Variants in TECTA observed in about 807,000 individuals in gnomAD.
TECTA encodes the protein tectorin alpha.
A neutral mutation model predicts 216.8 loss-of-function variants in TECTA; 128 were observed. That is an observed-to-expected ratio of 0.59 (90% CI 0.51 to 0.68). The LOEUF is 0.68. Among genes scored for constraint, TECTA ranks in the 30% least tolerant of loss-of-function variants. TECTA has a pLI of 0.00. For missense variants in TECTA, 2,551 were observed against 2,786.2 expected (o/e 0.92, Z 1.90); for synonymous variants, 1,089 against 1,117.1 (o/e 0.97, Z 0.50).
intron 14 of TECTA, among the ~76,000 whole-genome samples, chr11:121,158,954 C>A (rs1332817944): frequency 2.6e-5 from 4 of 152,198 alleles, no homozygotes; most frequent in African/African-American, 9.7e-5. Flanking sequence ...GGTGACCCAG[C>A]CTCTCAGCTA....
intron 10 of TECTA, among the ~76,000 whole-genome samples, chr11:121,132,390 G>A (rs1946683627): frequency 6.6e-6 from 1 of 152,200 alleles, no homozygotes; most frequent in African/African-American, 2.4e-5. Context: ...GAGGCACGAT[G>A]TACTCCGGGC....
intron 20 of TECTA, among the ~76,000 whole-genome samples, chr11:121,184,046 C>T (rs989757801): frequency 2.0e-5 from 3 of 152,180 alleles, no homozygotes; most frequent in Non-Finnish European, 2.9e-5. Flanking sequence ...ATCTTCGCCT[C>T]CCAAAGTGCT....
At chr11:121,109,815 C>T in intron 4 of TECTA, 1 of 374,690 alleles carries the variant, frequency 2.7e-6, no homozygotes. Flanking sequence ...GCACTGAGAC[C>T]CATTCCAGGC....
intron 20 of TECTA, among the ~76,000 whole-genome samples, chr11:121,178,557 T>TGG (rs1947193883): frequency 6.6e-6 from 1 of 150,720 alleles, no homozygotes; most frequent in Admixed American, 6.6e-5. Flanking sequence ...TGTGTGTGTG[T>TGG]GTGTGGTGTC....
At position 121,141,301 on chromosome 11, in the gene TECTA, G is replaced by A. The variant is rs1487128123; in HGVS notation, c.3543+3279G>A. Among the ~76,000 whole-genome samples the A allele has an allele frequency of 2.0e-5, 3 of 152,198 alleles. No homozygotes were observed. The East Asian group carries it at 5.8e-4, about 29-fold the overall frequency. ...CATCAGGATGACAGTGTGAAATGAA[G>A]TGCTGGGTAAAACACAGCCCACAGT... is the stretch of plus-strand genomic sequence containing the variant. On this transcript the variant is annotated intron_variant, in intron 11 of 23. Transcript: ENST00000392793.
chr11:121,138,170 G>C (rs1333309449), intron 11 of TECTA, 148 bp downstream of exon 11: 1 of 1,191,472 alleles, frequency 8.4e-7, no homozygotes, highest in Non-Finnish European at 1.2e-6. Flanking sequence ...GAGATTTTCT[G>C]TCACTTCATC....
chr11:121,118,227 A>T, intron 6 of TECTA, 79 bp from the exon 7 acceptor site: 2 of 1,558,232 alleles, frequency 1.3e-6, no homozygotes, highest in Non-Finnish European at 1.8e-6. Context: ...GGTATAATGG[A>T]AGTAAAGCAT....
chr11:121,144,058 T>C (rs1946810819), intron 11 of TECTA, among the ~76,000 whole-genome samples: 1 of 152,090 alleles, frequency 6.6e-6, no homozygotes, highest in South Asian at 2.1e-4. Flanking sequence ...GGGTGGAGCA[T>C]GGAAAGCATC....
At chr11:121,118,197 G>T (rs1946518314) in intron 6 of TECTA, 109 bp from the exon 7 acceptor site, 1 of 1,410,976 alleles carries the variant, frequency 7.1e-7, no homozygotes, top group African/African-American at 1.4e-5. Flanking sequence ...TCCCTAACAG[G>T]GTTCTTACGT....
In TECTA at chr11:121,101,328, A is replaced by G. The variant is rs1345561132; in HGVS notation, c.-116A>G. 6.6e-6 allele frequency: 1 copy of G among 152,200 alleles called. No homozygotes were observed. Among genetic ancestry groups the G allele is most frequent in the African/African-American group, 2.4e-5 (1 of 41,460 alleles). 9.4% of individuals were successfully genotyped at this position (152,200 alleles called of 1,614,324 possible). A position where few individuals can be genotyped will look rare whatever the true frequency, so the allele number is the denominator to read the frequency against. On this transcript the variant is annotated 5_prime_UTR_variant, in exon 1 of 24. Transcript: ENST00000392793. ...GACATTATTTCAGGAATCAGAAATT[A>G]TTGGCAACAAGTTGAGGAGAACTGA...
chr11:121,185,670 TAATG>T (rs1187825381), intron 20 of TECTA, among the ~76,000 whole-genome samples: 4 of 49,156 alleles, frequency 8.1e-5, no homozygotes, highest in African/African-American at 2.2e-4. Context: ...GTTCAATGCT[TAATG>T]AATGAGTAGG....
chr11:121,167,869 T>G (rs1404006762), intron 18 of TECTA, among the ~76,000 whole-genome samples, 185 bp from the exon 19 acceptor site: 1 of 152,210 alleles, frequency 6.6e-6, no homozygotes, highest in African/African-American at 2.4e-5. Context: ...GTGCTGCTGA[T>G]ATCTATTGTA....
intron 13 of TECTA, among the ~76,000 whole-genome samples, chr11:121,154,200 A>C (rs940998371): frequency 2.0e-5 from 3 of 152,334 alleles, no homozygotes; most frequent in Non-Finnish European, 4.4e-5. Flanking sequence ...GCTAGGCGAA[A>C]AATAAATAAT....
chr11:121,181,219 G>T (rs1370936484), intron 20 of TECTA, among the ~76,000 whole-genome samples: 1 of 152,018 alleles, frequency 6.6e-6, no homozygotes, highest in Admixed American at 6.5e-5. Context: ...GCTCTTGATT[G>T]TATTTTTTAA....
Position 121,137,970 on chromosome 11 carries a change from C to A in TECTA, c.3491C>A (p.Thr1164Asn), listed in dbSNP as rs1326228372. The A allele has an allele frequency of 1.2e-6, 2 of 1,613,080 alleles. No individual in the cohort carries two copies. Among genetic ancestry groups the A allele is most frequent in the South Asian group, 2.2e-5 (2 of 91,066 alleles). The stretch of plus-strand genomic sequence containing the variant: ...TTGTGGGTTAAGCAGGTGGACGTGA[C>A]CGTGTTTGGCTACAGCATCGTGATC... ...LALWVKQVDV[T>N]VFGYSIVIHR... Residue 1164 changes from threonine (T) to asparagine (N), a missense_variant, in exon 11 of 24, where the codon ACC (threonine) becomes AAC (asparagine). Coordinates refer to ENST00000392793, the MANE Select transcript of TECTA (RefSeq NM_005422.4).
At chr11:121,106,777 G>T (rs998332652) in intron 3 of TECTA, among the ~76,000 whole-genome samples, 1 of 152,174 alleles carries the variant, frequency 6.6e-6, no homozygotes, top group South Asian at 2.1e-4. Flanking sequence ...ATGGCTCCGG[G>T]ATGATTCCCG....
rs185250360 is a variant in TECTA at position 121,137,206 on chromosome 11, G to A, written c.2942-215G>A. Among the ~76,000 whole-genome samples, 916 of 151,694 alleles carry A rather than the reference G, an allele frequency of 6.0e-3. 12 individuals carry two copies. The highest frequency in any genetic ancestry group is 0.021 in the African/African-American group (858 of 41,374). On this transcript the variant is annotated intron_variant, in intron 10 of 23. Transcript: ENST00000392793. Reference sequence around the variant, plus strand: ...CACAGGCACTCATACGTACACACACGCACTCGCACACATGCATGCACACAC... The same window carrying A: ...CACAGGCACTCATACGTACACACACACACTCGCACACATGCATGCACACAC...
At chr11:121,158,394 C>T (rs1027426281) in intron 14 of TECTA, among the ~76,000 whole-genome samples, 170 bp downstream of exon 14, 3 of 152,158 alleles carry the variant, frequency 2.0e-5, no homozygotes, top group African/African-American at 7.2e-5. Context: ...ATGTTTTAAG[C>T]CTGAGAATGG....
intron 2 of TECTA, among the ~76,000 whole-genome samples, chr11:121,104,744 G>A (rs1458553645): frequency 2.0e-5 from 3 of 151,996 alleles, no homozygotes; most frequent in Non-Finnish European, 2.9e-5. Context: ...TAGAAGGCCC[G>A]ACATGAGAAT....
Sources: allele counts gnomAD v4.1 joint callset (sites outside exome capture counted in the v4.1 genomes callset), GRCh38; gene constraint gnomAD v4.1.1; transcripts MANE v1.5; gene names NCBI Gene and HGNC (gene_info 2026-07-23, HGNC 2026-07-21).